MMP16: variants seen among roughly 807,000 people sequenced by gnomAD.
The protein encoded by MMP16 is matrix metalloproteinase-16.
MMP16 carries 12 observed loss-of-function variants against 67.8 expected under a neutral mutation model. The observed-to-expected ratio is 0.18, with a 90% confidence interval of 0.11 to 0.29. The LOEUF is 0.29. MMP16 is among the 10% of genes least tolerant of loss of function. MMP16 has a pLI of 1.00. For missense variants in MMP16, 475 were observed against 765.7 expected (o/e 0.62, Z 4.48); for synonymous variants, 249 against 255.9 (o/e 0.97, Z 0.26).
At chr8:88,163,289 T>C (rs1396313635) in intron 4 of MMP16, among the ~76,000 whole-genome samples, 1 of 152,124 alleles carries the variant, frequency 6.6e-6, no homozygotes, top group African/African-American at 2.4e-5. Flanking sequence ...TGAGTGGGTT[T>C]GGATGCAGAT....
intron 7 of MMP16, among the ~76,000 whole-genome samples, chr8:88,071,630 C>G (rs1370713644): frequency 6.6e-6 from 1 of 152,138 alleles, no homozygotes; most frequent in Admixed American, 6.5e-5. Context: ...TCTAATATGG[C>G]TGGTATAGGT....
At chr8:88,284,358 CTATCA>C (rs1810790097) in intron 1 of MMP16, among the ~76,000 whole-genome samples, 1 of 152,020 alleles carries the variant, frequency 6.6e-6, no homozygotes, top group Non-Finnish European at 1.5e-5. Flanking sequence ...ATGTCCATAC[CTATCA>C]TATAATTTTA....
At position 88,316,974 on chromosome 8, in the gene MMP16, T is replaced by C. The variant is rs375207291; in HGVS notation, c.132+10101A>G. ...GGGAATTAGAAGTGGAACCTAAAGA[T>C]CTGACTGAATTGCTGCAATCTCATT... On this transcript the variant is annotated intron_variant, in intron 1 of 9. Transcript: ENST00000286614. Among the ~76,000 whole-genome samples the C allele has an allele frequency of 2.2e-4, 33 of 152,282 alleles. 2 individuals carry two copies. The highest frequency in any genetic ancestry group is 3.4e-3 in the Middle Eastern group (1 of 294).
intron 1 of MMP16, among the ~76,000 whole-genome samples, chr8:88,265,769 C>CA (rs955854050): frequency 3.3e-5 from 5 of 152,020 alleles, no homozygotes; most frequent in African/African-American, 1.2e-4. Context: ...GTAACTAGAA[C>CA]AAAAAACTGA....
chr8:88,190,555 T>G (rs1809154527), intron 2 of MMP16, among the ~76,000 whole-genome samples: 1 of 152,172 alleles, frequency 6.6e-6, no homozygotes, highest in Non-Finnish European at 1.5e-5. Flanking sequence ...AGTCTGGCAG[T>G]CAGGTTCATT....
intron 1 of MMP16, among the ~76,000 whole-genome samples, chr8:88,307,725 T>C (rs1031691492): frequency 1.3e-5 from 2 of 151,918 alleles, no homozygotes; most frequent in African/African-American, 4.8e-5. Context: ...GACACTACAA[T>C]TGTCTAGAAT....
chr8:88,231,486 C>T (rs1478728386), intron 1 of MMP16, among the ~76,000 whole-genome samples: 5 of 152,264 alleles, frequency 3.3e-5, no homozygotes, highest in South Asian at 2.1e-4. Flanking sequence ...AAGGTGCTGA[C>T]GAGGACCTAT....
At chr8:88,259,408 GTTAT>G (rs1585983783) in intron 1 of MMP16, among the ~76,000 whole-genome samples, 1 of 152,094 alleles carries the variant, frequency 6.6e-6, no homozygotes, top group Admixed American at 6.5e-5. Flanking sequence ...CACTGTGTGT[GTTAT>G]TTAAGGCATT....
intron 1 of MMP16, among the ~76,000 whole-genome samples, chr8:88,252,695 T>A (rs1383944568): frequency 2.0e-5 from 3 of 150,808 alleles, no homozygotes; most frequent in Admixed American, 2.0e-4. Flanking sequence ...AGACTTGCAG[T>A]AATTTAAATT....
At chr8:88,096,414 T>A (rs534964433) in intron 6 of MMP16, among the ~76,000 whole-genome samples, 1 of 152,000 alleles carries the variant, frequency 6.6e-6, no homozygotes, top group Non-Finnish European at 1.5e-5. Flanking sequence ...ATAACTTCAG[T>A]GTCCCTATTT....
chr8:88,051,658 C>T (rs1808272706), intron 8 of MMP16, among the ~76,000 whole-genome samples: 1 of 152,116 alleles, frequency 6.6e-6, no homozygotes, highest in Non-Finnish European at 1.5e-5. Context: ...GTAAACATAA[C>T]ACTTAAGCTG....
chr8:88,168,845 T>C (rs543702255), intron 3 of MMP16, among the ~76,000 whole-genome samples: 1 of 152,266 alleles, frequency 6.6e-6, no homozygotes, highest in South Asian at 2.1e-4. Context: ...ATGTCATATC[T>C]ATGAACTTAC....
At chr8:88,313,208 C>T (rs1811323970) in intron 1 of MMP16, among the ~76,000 whole-genome samples, 1 of 152,126 alleles carries the variant, frequency 6.6e-6, no homozygotes, top group African/African-American at 2.4e-5. Flanking sequence ...TGTGCTGTCT[C>T]CAGTTTTTGG....
chr8:88,213,606 A>C (rs1274194427), intron 1 of MMP16, among the ~76,000 whole-genome samples: 1 of 152,168 alleles, frequency 6.6e-6, no homozygotes, highest in Non-Finnish European at 1.5e-5. Flanking sequence ...ATCAGTTATA[A>C]GATCAATTAT....
chr8:88,180,925 A>C (rs2129737716), intron 3 of MMP16, among the ~76,000 whole-genome samples: 1 of 152,292 alleles, frequency 6.6e-6, no homozygotes, highest in African/African-American at 2.4e-5. Context: ...TCAAAAGGCA[A>C]AAGAAGAAAA....
intron 3 of MMP16, among the ~76,000 whole-genome samples, chr8:88,180,374 G>C (rs1208722750): frequency 6.6e-6 from 1 of 151,600 alleles, no homozygotes; most frequent in East Asian, 1.9e-4. Context: ...AGCAAGTCCT[G>C]CTATATGTTT....
At chr8:88,287,618 G>A (rs913315861) in intron 1 of MMP16, among the ~76,000 whole-genome samples, 6 of 152,060 alleles carry the variant, frequency 3.9e-5, no homozygotes, top group Non-Finnish European at 8.8e-5. Flanking sequence ...CAATAAATAT[G>A]TATCAAACAA....
Position 88,149,625 on chromosome 8 carries a change from T to C in MMP16, c.709+18044A>G, listed in dbSNP as rs1400501400. The stretch of plus-strand genomic sequence containing the variant: ...CACTGACACCTCACACGGCAGGGTA[T>C]TCCAACAGACCTGCAGCTGAGGGTG... On this transcript the variant is annotated intron_variant, in intron 4 of 9. Transcript: ENST00000286614. Among the ~76,000 whole-genome samples, 662 of 151,310 alleles carry C rather than the reference T, an allele frequency of 4.4e-3. 4 individuals are homozygous for C. The highest frequency in any genetic ancestry group is 0.036 in the South Asian group (171 of 4,800).
chr8:88,290,015 T>C (rs1810898135), intron 1 of MMP16, among the ~76,000 whole-genome samples: 2 of 152,098 alleles, frequency 1.3e-5, no homozygotes, highest in South Asian at 2.1e-4. Context: ...ACTGGGAACA[T>C]GCCTACTGGG....
Sources: allele counts gnomAD v4.1 joint callset (sites outside exome capture counted in the v4.1 genomes callset), GRCh38; gene constraint gnomAD v4.1.1; transcripts MANE v1.5; gene names NCBI Gene and HGNC (gene_info 2026-07-23, HGNC 2026-07-21).